Variants in DKK4 observed in about 807,000 individuals in gnomAD.
DKK4 encodes the protein dickkopf-related protein 4.
Under a neutral mutation model 14.5 loss-of-function variants are expected in DKK4, and 15 were observed. The ratio of observed to expected loss-of-function variants is 1.03; its 90% CI spans 0.69 to 1.59. DKK4 has a LOEUF of 1.59. Among genes scored for constraint, DKK4 ranks in the 40% most tolerant of loss-of-function variants. DKK4 has a pLI of 0.00. For missense variants in DKK4, 272 were observed against 280.3 expected (o/e 0.97, Z 0.21); for synonymous variants, 89 against 105.2 (o/e 0.85, Z 0.94).
the DKK4 span, among the ~76,000 whole-genome samples, chr8:42,387,827 T>A: frequency 6.6e-6 from 1 of 152,202 alleles, no homozygotes; most frequent in African/African-American, 2.4e-5. Context: ...TACCTGGGAC[T>A]GGTGTTGTCA....
the DKK4 span, among the ~76,000 whole-genome samples, chr8:42,387,182 T>A: frequency 1.3e-5 from 2 of 151,896 alleles, no homozygotes; most frequent in African/African-American, 4.9e-5. Flanking sequence ...ATTCTGATTC[T>A]ATTGATTTGA....
At chr8:42,381,193 G>A (rs1056991522), upstream of DKK4, among the ~76,000 whole-genome samples, 6 of 151,920 alleles carry the variant, frequency 3.9e-5, no homozygotes, top group African/African-American at 1.5e-4. Flanking sequence ...GGATGTGGGA[G>A]TGGGGAGGGA....
chr8:42,390,193 G>A, the DKK4 span, among the ~76,000 whole-genome samples: 1 of 151,058 alleles, frequency 6.6e-6, no homozygotes. Flanking sequence ...CGCGCCCGGG[G>A]CCCCCTCAGA....
Position 42,374,747 on chromosome 8 carries a change from A to T in DKK4, c.415+14T>A. On this transcript the variant is annotated intron_variant, in intron 3 of 3. Coordinates refer to ENST00000220812, the MANE Select transcript of DKK4 (RefSeq NM_014420.3). ...CATTTCTGAAATAAAATATGCTGCG[A>T]ATGCTGTTCTTACCCTTCCTGCCTT... 1 of 1,613,976 alleles carries T rather than the reference A, an allele frequency of 6.2e-7. No homozygotes were observed. Among genetic ancestry groups the T allele is most frequent in the Non-Finnish European group, 8.5e-7 (1 of 1,179,954 alleles).
chr8:42,374,415 G>A (rs1389200580), intron 3 of DKK4, 56 bp from the exon 4 acceptor site: 3 of 1,603,682 alleles, frequency 1.9e-6, no homozygotes, highest in Non-Finnish European at 2.6e-6. Context: ...GCCTGCTGGG[G>A]GTTTGCTACT....
chr8:42,378,458 T>C (rs934750610), upstream of DKK4, among the ~76,000 whole-genome samples: 10 of 152,174 alleles, frequency 6.6e-5, no homozygotes, highest in African/African-American at 2.4e-4. Context: ...TGGGTTGGTA[T>C]TGCTTGTCTA....
the DKK4 span, among the ~76,000 whole-genome samples, chr8:42,383,017 C>G: frequency 6.6e-6 from 1 of 152,182 alleles, no homozygotes; most frequent in African/African-American, 2.4e-5. Flanking sequence ...TGTGTCAAAA[C>G]CAGTTTGATT....
upstream of DKK4, among the ~76,000 whole-genome samples, chr8:42,379,368 TATATATATATAGAGAGAG>T (rs1380792214): frequency 2.8e-4 from 14 of 49,490 alleles, no homozygotes; most frequent in African/African-American, 1.2e-3. Context: ...TATATATATA[TATATATATATAGAGAGAG>T]AGAGAGAGAG....
upstream of DKK4, among the ~76,000 whole-genome samples, chr8:42,380,783 A>AG (rs1296949076): frequency 5.5e-5 from 8 of 144,568 alleles, no homozygotes; most frequent in African/African-American, 1.6e-4. Flanking sequence ...AGAATGTGAG[A>AG]GAAAGGAAGA....
At chr8:42,375,596 A>G in intron 2 of DKK4, 84 bp downstream of exon 2, 2 of 1,529,634 alleles carry the variant, frequency 1.3e-6, no homozygotes, top group Non-Finnish European at 1.8e-6. Flanking sequence ...ACCATTAGAG[A>G]GTGCCTACCC....
chr8:42,381,264 T>C (rs111585419), upstream of DKK4, among the ~76,000 whole-genome samples: 102 of 151,710 alleles, frequency 6.7e-4, no homozygotes, highest in African/African-American at 2.0e-3. Flanking sequence ...TGGGTAGAGG[T>C]GGGCCTAGAG....
chr8:42,376,507 G>T (rs961045509), intron 1 of DKK4, among the ~76,000 whole-genome samples: 6 of 152,188 alleles, frequency 3.9e-5, no homozygotes, highest in African/African-American at 1.4e-4. Context: ...ATGGCCCTCT[G>T]TTTAAATTCT....
chr8:42,390,335 T>G, the DKK4 span, among the ~76,000 whole-genome samples: 1 of 149,926 alleles, frequency 6.7e-6, no homozygotes, highest in African/African-American at 2.4e-5. Flanking sequence ...ACACATTGCT[T>G]TTAGTGCCAT....
At chr8:42,380,522 AAGAG>A (rs1039960673), upstream of DKK4, among the ~76,000 whole-genome samples, 1 of 146,310 alleles carries the variant, frequency 6.8e-6, no homozygotes, top group East Asian at 2.0e-4. Flanking sequence ...GAAAAGAAAA[AAGAG>A]AGGAAGGAAG....
chr8:42,376,009 C>T (rs959753616), intron 1 of DKK4, among the ~76,000 whole-genome samples, 179 bp from the exon 2 acceptor site: 5 of 152,134 alleles, frequency 3.3e-5, no homozygotes, highest in African/African-American at 9.7e-5. Context: ...TCATGTCACC[C>T]GGGGAGACCT....
chr8:42,381,247 C>A (rs532196618), upstream of DKK4, among the ~76,000 whole-genome samples: 1 of 152,064 alleles, frequency 6.6e-6, no homozygotes, highest in South Asian at 2.1e-4. Flanking sequence ...TGATTTGGTG[C>A]ACTGGGTGGG....
the DKK4 span, among the ~76,000 whole-genome samples, chr8:42,388,374 C>T: frequency 1.3e-5 from 2 of 151,916 alleles, no homozygotes; most frequent in Non-Finnish European, 2.9e-5. Flanking sequence ...GTACTACAGG[C>T]ATGTGCCACC....
upstream of DKK4, among the ~76,000 whole-genome samples, chr8:42,380,163 T>A (rs563085247): frequency 6.6e-6 from 1 of 152,168 alleles, no homozygotes; most frequent in African/African-American, 2.4e-5. Flanking sequence ...CAAGAACCCA[T>A]CTCTACGAAA....
upstream of DKK4, among the ~76,000 whole-genome samples, chr8:42,377,960 A>G (rs965736315): frequency 6.6e-6 from 1 of 152,262 alleles, no homozygotes; most frequent in Non-Finnish European, 1.5e-5. Context: ...TATCAGCAAC[A>G]TATTTAATTT....
Sources: allele counts gnomAD v4.1 joint callset (sites outside exome capture counted in the v4.1 genomes callset), GRCh38; gene constraint gnomAD v4.1.1; transcripts MANE v1.5; gene names NCBI Gene and HGNC (gene_info 2026-07-23, HGNC 2026-07-21).